The following ANO3 variants were observed in gnomAD, a reference collection of about 807,000 sequenced individuals.
ANO3 encodes anoctamin-3.
A neutral mutation model predicts 144.8 loss-of-function variants in ANO3; 99 were observed. The ratio of observed to expected loss-of-function variants is 0.68; its 90% confidence interval spans 0.58 to 0.81. ANO3 has a LOEUF of 0.81. Ranked by LOEUF, ANO3 falls within the 30% of genes least tolerant of loss-of-function variation. The pLI, the probability that ANO3 is intolerant of heterozygous loss-of-function variation, is 0.00. For synonymous variants in ANO3, 414 were observed against 392.6 expected, an observed-to-expected ratio of 1.05 and a Z score of -0.64; for missense variants, 905 against 1,202.2, an observed-to-expected ratio of 0.75 and a Z score of 3.66.
chr11:26,316,904 A>G lies in ANO3; in HGVS notation c.-3+7185A>G, dbSNP rs920842984. Among the ~76,000 whole-genome samples the G allele has an allele frequency of 2.0e-5, 3 of 152,298 alleles. No homozygotes were observed. In the South Asian group the frequency reaches 6.2e-4, roughly 32 times the overall value. On this transcript the variant is annotated intron_variant, in intron 1 of 26. Coordinates refer to the ANO3 transcript ENST00000525139. ...GCCCAACCTTGCATTGTCTTTACACAATCCTACATGCAACTTTGTATTTAC... is the reference window on the plus strand; with the variant it reads ...GCCCAACCTTGCATTGTCTTTACACGATCCTACATGCAACTTTGTATTTAC...
chr11:26,640,889 G>A (rs992933849), intron 21 of ANO3, among the ~76,000 whole-genome samples: 4 of 152,076 alleles, frequency 2.6e-5, no homozygotes, highest in African/African-American at 4.8e-5. Context: ...TAAGCAGATC[G>A]CCTCAACTCT....
chr11:26,432,887 CT>C (rs1276786806), intron 1 of ANO3, among the ~76,000 whole-genome samples: 1 of 151,950 alleles, frequency 6.6e-6, no homozygotes, highest in Non-Finnish European at 1.5e-5. Flanking sequence ...TATTTGGGCT[CT>C]TTTTTGGTAC....
At chr11:26,317,495 C>G (rs943714810) in intron 1 of ANO3, among the ~76,000 whole-genome samples, 3 of 151,830 alleles carry the variant, frequency 2.0e-5, no homozygotes, top group Non-Finnish European at 4.4e-5. Flanking sequence ...ATGCGGCCAA[C>G]AAACATGAAA....
At chr11:26,625,081 A>T (rs1032788431) in intron 18 of ANO3, among the ~76,000 whole-genome samples, 1 of 151,996 alleles carries the variant, frequency 6.6e-6, no homozygotes, top group African/African-American at 2.4e-5. Context: ...GCCTGCCACC[A>T]CGTCCGGCTC....
At chr11:26,298,302 T>C (rs1451888229) in intron 1 of ANO3, among the ~76,000 whole-genome samples, 6 of 151,960 alleles carry the variant, frequency 3.9e-5, no homozygotes, top group Admixed American at 2.0e-4. Context: ...TACCAGGTGA[T>C]AGGAGAGAGA....
intron 14 of ANO3, among the ~76,000 whole-genome samples, chr11:26,568,195 T>A (rs1452509673): frequency 6.6e-6 from 1 of 152,100 alleles, no homozygotes; most frequent in African/African-American, 2.4e-5. Context: ...GCATTTGATA[T>A]ATCAGCTGCT....
intron 1 of ANO3, among the ~76,000 whole-genome samples, chr11:26,234,901 G>A (rs550327778): frequency 6.6e-6 from 1 of 152,076 alleles, no homozygotes; most frequent in Non-Finnish European, 1.5e-5. Context: ...CCTAAGGCCT[G>A]AGGGCCAGAA....
chr11:26,478,145 TGA>T (rs911485365), intron 4 of ANO3, among the ~76,000 whole-genome samples: 3 of 152,102 alleles, frequency 2.0e-5, no homozygotes, highest in Non-Finnish European at 4.4e-5. Flanking sequence ...AACACTATAT[TGA>T]GAGTAACGAG....
intron 21 of ANO3, 41 bp from the exon 22 acceptor site, chr11:26,641,855 G>C: frequency 6.3e-7 from 1 of 1,597,206 alleles, no homozygotes; most frequent in South Asian, 1.1e-5. Context: ...CCAGATGCTT[G>C]AATCAGAGCT....
At chr11:26,203,880 G>A (rs904303084) in intron 1 of ANO3, among the ~76,000 whole-genome samples, 5 of 152,080 alleles carry the variant, frequency 3.3e-5, no homozygotes, top group African/African-American at 9.7e-5. Flanking sequence ...CAGAACAACA[G>A]CAATGGACAA....
chr11:26,399,605 T>C (rs1423821781), intron 1 of ANO3, among the ~76,000 whole-genome samples: 1 of 151,942 alleles, frequency 6.6e-6, no homozygotes, highest in East Asian at 1.9e-4. Context: ...TTATATTATT[T>C]ACCAGCAGTT....
At chr11:26,483,895 T>C (rs1297676533) in intron 4 of ANO3, among the ~76,000 whole-genome samples, 1 of 152,156 alleles carries the variant, frequency 6.6e-6, no homozygotes, top group East Asian at 1.9e-4. Context: ...ACTGATATCA[T>C]CAATGAAGTC....
intron 1 of ANO3, among the ~76,000 whole-genome samples, chr11:26,383,029 A>G (rs1442371715): frequency 6.6e-6 from 1 of 152,184 alleles, no homozygotes; most frequent in African/African-American, 2.4e-5. Flanking sequence ...ACTAGGAAAC[A>G]GGTATCCACT....
intron 14 of ANO3, among the ~76,000 whole-genome samples, chr11:26,583,587 A>C (rs924998276): frequency 2.0e-5 from 3 of 152,216 alleles, no homozygotes; most frequent in African/African-American, 7.2e-5. Flanking sequence ...CATGCATTAC[A>C]TTTCTATAAG....
chr11:26,232,220 C>A (rs11029404), intron 1 of ANO3, among the ~76,000 whole-genome samples: 2,301 of 152,186 alleles, frequency 0.015, 49 homozygotes, highest in East Asian at 0.12. Context: ...AATATGAACC[C>A]ATGAGGGTTA....
Position 26,258,021 on chromosome 11 carries a change from T to C in ANO3, c.155-51624T>C, listed in dbSNP as rs547239927. ...AAAACTACCAGGGCACAGACGGATATAACATATGTGAGTGTCTTCAATAAA... is the reference window on the plus strand; with the variant it reads ...AAAACTACCAGGGCACAGACGGATACAACATATGTGAGTGTCTTCAATAAA... On this transcript the variant is annotated intron_variant, in intron 1 of 27. Transcript: ENST00000672621. Among the ~76,000 whole-genome samples the C allele has an allele frequency of 2.6e-5, 4 of 152,192 alleles. 1 individual carries two copies. The South Asian group carries it at 8.3e-4, about 32-fold the overall frequency.
intron 4 of ANO3, among the ~76,000 whole-genome samples, chr11:26,504,196 G>A (rs1861319359): frequency 1.3e-5 from 2 of 152,144 alleles, no homozygotes; most frequent in African/African-American, 4.8e-5. Context: ...ATAATTGTGT[G>A]TTTCTTCATT....
intron 1 of ANO3, among the ~76,000 whole-genome samples, chr11:26,204,410 A>T (rs1397652462): frequency 6.6e-6 from 1 of 152,144 alleles, no homozygotes; most frequent in East Asian, 1.9e-4. Context: ...TTGCTTCATC[A>T]TGAGGACACC....
At chr11:26,297,105 T>A (rs1191467184) in intron 1 of ANO3, among the ~76,000 whole-genome samples, 1 of 152,090 alleles carries the variant, frequency 6.6e-6, no homozygotes, top group Non-Finnish European at 1.5e-5. Flanking sequence ...TCAGATTACT[T>A]CCTATAATTT....
Sources: allele counts gnomAD v4.1 joint callset (sites outside exome capture counted in the v4.1 genomes callset), GRCh38; gene constraint gnomAD v4.1.1; transcripts MANE v1.5; gene names NCBI Gene and HGNC (gene_info 2026-07-23, HGNC 2026-07-21).